CDH13: variants seen among roughly 807,000 people sequenced by gnomAD.
CDH13 encodes the protein cadherin-13.
In CDH13, 24 loss-of-function variants were observed where a neutral mutation model predicts 63.8. The ratio of observed to expected loss-of-function variants is 0.38; its 90% CI spans 0.27 to 0.53. The LOEUF (loss-of-function observed/expected upper bound fraction) is 0.53, where lower values mean the gene tolerates loss of function less well. CDH13 is among the 20% of genes least tolerant of loss of function. CDH13 has a pLI of 0.85. For missense variants in CDH13, 1,049 were observed against 903.1 expected (o/e 1.16, Z -2.07); for synonymous variants, 503 against 355.3 (o/e 1.42, Z -4.67).
intron 5 of CDH13, among the ~76,000 whole-genome samples, chr16:83,277,732 C>G (rs769135531): frequency 1.3e-5 from 2 of 152,130 alleles, no homozygotes; most frequent in East Asian, 3.8e-4. Flanking sequence ...AATAGCCACT[C>G]TTTCTACTAT....
At chr16:83,762,146 T>A (rs1348719827) in intron 11 of CDH13, among the ~76,000 whole-genome samples, 1 of 152,242 alleles carries the variant, frequency 6.6e-6, no homozygotes, top group Non-Finnish European at 1.5e-5. Flanking sequence ...GAAATGCTTT[T>A]GTTTTGCTAC....
intron 1 of CDH13, among the ~76,000 whole-genome samples, chr16:82,704,618 G>C (rs2031332489): frequency 6.6e-6 from 1 of 152,196 alleles, no homozygotes; most frequent in African/African-American, 2.4e-5. Flanking sequence ...TGCAGAGGCA[G>C]GCACACCTGG....
chr16:82,999,651 C>G (rs1259140452), intron 2 of CDH13, among the ~76,000 whole-genome samples: 1 of 152,090 alleles, frequency 6.6e-6, no homozygotes, highest in Non-Finnish European at 1.5e-5. Context: ...AATTTTAATG[C>G]TTCTGTACAA....
chr16:82,793,581 T>A (rs1481489503), intron 1 of CDH13, among the ~76,000 whole-genome samples: 5 of 152,178 alleles, frequency 3.3e-5, no homozygotes, highest in African/African-American at 1.2e-4. Flanking sequence ...GGTGAACCCC[T>A]GCTGGGCCGC....
chr16:83,423,653 C>A (rs2071786806), intron 6 of CDH13, among the ~76,000 whole-genome samples: 3 of 152,202 alleles, frequency 2.0e-5, no homozygotes, highest in Admixed American at 2.0e-4. Flanking sequence ...GAGGCAACTG[C>A]AGCAATCATG....
rs113695939 is a variant in CDH13 at position 83,530,853 on chromosome 16, C to T, written c.960+44198C>T. 7.1e-3 allele frequency among the ~76,000 whole-genome samples: 1,082 copies of T among 152,270 alleles called. 13 individuals carry two copies. Among genetic ancestry groups the T allele is most frequent in the African/African-American group, 0.024 (1,002 of 41,552 alleles). On this transcript the variant is annotated intron_variant, in intron 7 of 13. Transcript: ENST00000567109. ...ACTAGCCCCTTGGCAGAGAGGAACC[C>T]ATCAGGCAGGCGGTCTGTGCATGGT...
chr16:83,483,827 C>T (rs1476653766), intron 6 of CDH13, among the ~76,000 whole-genome samples: 1 of 152,186 alleles, frequency 6.6e-6, no homozygotes, highest in African/African-American at 2.4e-5. Context: ...CATTTCACAT[C>T]AGTTTCCATA....
chr16:82,862,372 G>T (rs145586705), intron 2 of CDH13, among the ~76,000 whole-genome samples: 2 of 152,174 alleles, frequency 1.3e-5, no homozygotes, highest in East Asian at 3.9e-4. Flanking sequence ...TATAAAACAG[G>T]ATAGTCTGCT....
chr16:83,417,625 C>A (rs570284854), intron 6 of CDH13, among the ~76,000 whole-genome samples: 92 of 152,238 alleles, frequency 6.0e-4, no homozygotes, highest in Admixed American at 1.2e-3. Flanking sequence ...GCAGGCAAGA[C>A]AAATATGTTT....
At chr16:83,178,291 G>C (rs12925701) in intron 4 of CDH13, among the ~76,000 whole-genome samples, 11,446 of 152,000 alleles carry the variant, frequency 0.075, 497 homozygotes, top group Non-Finnish European at 0.082. Flanking sequence ...GCCCTCCTCC[G>C]CCAGCTGCGA....
chr16:83,289,156 A>C (rs936501489), intron 5 of CDH13, among the ~76,000 whole-genome samples: 7 of 152,372 alleles, frequency 4.6e-5, no homozygotes, highest in Non-Finnish European at 7.3e-5. Context: ...GCTGGAGGCG[A>C]AGACCAGGAA....
chr16:83,191,246 G>C (rs1019827321), intron 4 of CDH13, among the ~76,000 whole-genome samples: 25 of 145,242 alleles, frequency 1.7e-4, no homozygotes, highest in African/African-American at 5.9e-4. Flanking sequence ...CACTGGGACA[G>C]AATAAGCCTG....
chr16:83,318,335 T>C (rs1162455904), intron 5 of CDH13, among the ~76,000 whole-genome samples: 2 of 152,214 alleles, frequency 1.3e-5, no homozygotes, highest in Non-Finnish European at 2.9e-5. Flanking sequence ...TGTGTCTTTT[T>C]GGTGAACTCT....
rs147836204 is a variant in CDH13, at chr16:83,092,919, C to T, written c.367-32466C>T. 1.8e-3 allele frequency among the ~76,000 whole-genome samples: 267 copies of T among 152,238 alleles called. 1 individual carries two copies. Among genetic ancestry groups the T allele is most frequent in the African/African-American group, 5.8e-3 (242 of 41,542 alleles). Reference sequence around the variant, plus strand: ...GTTTCATTTATAAAAATAAAGGTAACGGTACTTTTGCGCAAGATTTGTGTG... The same window carrying T: ...GTTTCATTTATAAAAATAAAGGTAATGGTACTTTTGCGCAAGATTTGTGTG... On this transcript the variant is annotated intron_variant, in intron 3 of 13. Coordinates refer to ENST00000567109, the MANE Select transcript of CDH13 (RefSeq NM_001257.5).
chr16:83,343,882 T>G (rs2090780439), intron 5 of CDH13, among the ~76,000 whole-genome samples: 1 of 152,188 alleles, frequency 6.6e-6, no homozygotes, highest in South Asian at 2.1e-4. Context: ...GACAATCAAG[T>G]GAGATAATAT....
intron 6 of CDH13, among the ~76,000 whole-genome samples, chr16:83,363,569 C>T (rs1215288501): frequency 6.6e-6 from 1 of 152,130 alleles, no homozygotes; most frequent in Non-Finnish European, 1.5e-5. Context: ...CTGAAATGGT[C>T]AATTGGTTAA....
intron 6 of CDH13, among the ~76,000 whole-genome samples, chr16:83,378,226 A>G (rs1203274469): frequency 6.6e-6 from 1 of 152,188 alleles, no homozygotes; most frequent in African/African-American, 2.4e-5. Flanking sequence ...TAGATGCCAC[A>G]TAGATGACAA....
intron 3 of CDH13, among the ~76,000 whole-genome samples, chr16:83,097,110 G>A (rs573680048): frequency 1.9e-4 from 29 of 152,216 alleles, no homozygotes; most frequent in Middle Eastern, 6.8e-3. Flanking sequence ...TTCAAACTCA[G>A]TTTTTCTCAA....
At chr16:83,766,245 A>G (rs1346522331) in intron 11 of CDH13, among the ~76,000 whole-genome samples, 1 of 152,228 alleles carries the variant, frequency 6.6e-6, no homozygotes, top group Non-Finnish European at 1.5e-5. Context: ...AGACAGAGCC[A>G]CTACTCTCAA....
Sources: gnomAD v4.1 joint callset for allele counts (sites outside exome capture counted in the v4.1 genomes callset) on GRCh38, gnomAD v4.1.1 for gene constraint, MANE v1.5 for transcripts, NCBI Gene and HGNC (gene_info 2026-07-23, HGNC 2026-07-21) for gene names.